The following DAB1 variants were observed in gnomAD, a reference collection of about 807,000 sequenced individuals.
The protein encoded by DAB1 is disabled homolog 1.
Under a neutral mutation model 64.6 loss-of-function variants are expected in DAB1, and 15 were observed. That is an observed-to-expected ratio of 0.23 (90% CI 0.16 to 0.36). DAB1 has a LOEUF of 0.36. DAB1 is among the 10% of genes least tolerant of loss of function. DAB1 has a pLI of 1.00. For missense variants in DAB1, 596 were observed against 706.7 expected (o/e 0.84, Z 1.78); for synonymous variants, 235 against 251.9 (o/e 0.93, Z 0.64).
At chr1:57,304,703 T>C (rs147940097) in intron 1 of DAB1, among the ~76,000 whole-genome samples, 123 of 152,354 alleles carry the variant, frequency 8.1e-4, no homozygotes, top group African/African-American at 2.9e-3. Flanking sequence ...CCCTTCCCTC[T>C]ATTTCATTTG....
intron 5 of DAB1, among the ~76,000 whole-genome samples, chr1:57,895,006 A>G (rs941111296): frequency 6.6e-6 from 1 of 152,128 alleles, no homozygotes; most frequent in Non-Finnish European, 1.5e-5. Context: ...AAAGGCCTGC[A>G]GTGCTCACAC....
intron 11 of DAB1, among the ~76,000 whole-genome samples, chr1:57,022,049 T>C (rs1223002741): frequency 2.0e-5 from 3 of 152,206 alleles, no homozygotes; most frequent in Non-Finnish European, 4.4e-5. Context: ...TTTTATGTTA[T>C]TTCCTGTCTT....
chr1:58,107,303 CAAA>C (rs960763989), intron 5 of DAB1, among the ~76,000 whole-genome samples: 1 of 70,900 alleles, frequency 1.4e-5, no homozygotes. Flanking sequence ...ACTAAAAATA[CAAA>C]AAAAAAAAAA....
chr1:58,106,887 T>A (rs1467809165), intron 5 of DAB1, among the ~76,000 whole-genome samples: 1 of 117,124 alleles, frequency 8.5e-6, no homozygotes, highest in Admixed American at 9.3e-5. Context: ...CCTTTCTCCT[T>A]CCCTTCCTCT....
chr1:58,059,375 G>A (rs761634703), intron 5 of DAB1, among the ~76,000 whole-genome samples: 2 of 152,222 alleles, frequency 1.3e-5, no homozygotes, highest in South Asian at 4.1e-4. Context: ...ACTTAAGAAG[G>A]TTGTTGAGAC....
intron 4 of DAB1, among the ~76,000 whole-genome samples, chr1:57,108,287 A>G (rs1570706480): frequency 6.6e-6 from 1 of 152,174 alleles, no homozygotes; most frequent in East Asian, 1.9e-4. Flanking sequence ...ATCCAAATGA[A>G]TTCTTATAAG....
intron 9 of DAB1, among the ~76,000 whole-genome samples, chr1:57,034,835 A>G (rs904628827): frequency 1.3e-5 from 2 of 152,226 alleles, no homozygotes; most frequent in African/African-American, 4.8e-5. Flanking sequence ...ATAGCCTCGT[A>G]GTACTGTGCT....
chr1:58,455,931 T>C (rs1219425605), intron 3 of DAB1, among the ~76,000 whole-genome samples: 1 of 152,176 alleles, frequency 6.6e-6, no homozygotes, highest in Admixed American at 6.5e-5. Context: ...GGCACACCCA[T>C]AGCAGGGGCT....
At chr1:57,419,072 G>A (rs1684707349) in intron 1 of DAB1, among the ~76,000 whole-genome samples, 2 of 152,148 alleles carry the variant, frequency 1.3e-5, no homozygotes, top group Admixed American at 1.3e-4. Flanking sequence ...GTACATACCA[G>A]AGGAGGGGTT....
chr1:57,689,139 C>T lies in DAB1; in HGVS notation n.552-39474G>A, dbSNP rs114040239. The stretch of plus-strand genomic sequence containing the variant: ...GAAAATGAGTCCTTGAAATTCCTTC[C>T]CAGCTAATTAAATGGATAGATTTAG... On this transcript the variant is annotated intron_variant and non_coding_transcript_variant, in intron 6 of 20. Coordinates refer to the DAB1 transcript ENST00000485760. Among the ~76,000 whole-genome samples the T allele has an allele frequency of 6.2e-3, 939 of 152,126 alleles. 7 individuals are homozygous for T. The highest frequency in any genetic ancestry group is 0.017 in the Middle Eastern group (5 of 294).
intron 5 of DAB1, among the ~76,000 whole-genome samples, chr1:58,025,042 A>T (rs1646869367): frequency 1.3e-5 from 2 of 151,180 alleles, no homozygotes; most frequent in African/African-American, 2.4e-5. Context: ...CCATTTATCT[A>T]TCTATTTGTC....
chr1:57,265,903 C>T (rs980714943), intron 2 of DAB1, among the ~76,000 whole-genome samples: 1 of 152,154 alleles, frequency 6.6e-6, no homozygotes, highest in Non-Finnish European at 1.5e-5. Context: ...AGTCTAGAAG[C>T]TTGAGATTAG....
Position 57,378,454 on chromosome 1 carries a change from G to A in DAB1, c.-137+45476C>T, listed in dbSNP as rs114371143. Reference sequence around the variant, plus strand: ...AAATTTGAATCTTTTTCTTAATTACGAAAAGCTATAAATAAAGCCACCCAT... The same window carrying A: ...AAATTTGAATCTTTTTCTTAATTACAAAAAGCTATAAATAAAGCCACCCAT... On this transcript the variant is annotated intron_variant, in intron 1 of 14. Transcript: ENST00000371236. 2.2e-3 allele frequency among the ~76,000 whole-genome samples: 332 copies of A among 152,196 alleles called. 2 individuals carry two copies. Among genetic ancestry groups the A allele is most frequent in the African/African-American group, 7.4e-3 (307 of 41,530 alleles).
chr1:57,343,686 G>A (rs1218842811), intron 1 of DAB1, among the ~76,000 whole-genome samples: 2 of 152,192 alleles, frequency 1.3e-5, no homozygotes, highest in African/African-American at 2.4e-5. Context: ...CGGTGGGGCC[G>A]GCCGGCCGCT....
intron 2 of DAB1, among the ~76,000 whole-genome samples, chr1:57,253,101 C>G (rs938846700): frequency 6.6e-6 from 1 of 152,188 alleles, no homozygotes; most frequent in Admixed American, 6.5e-5. Context: ...AGGCTGGGAA[C>G]AGCTGGGAGG....
intron 8 of DAB1, among the ~76,000 whole-genome samples, chr1:57,064,469 G>A (rs925101780): frequency 6.6e-6 from 1 of 152,114 alleles, no homozygotes; most frequent in Non-Finnish European, 1.5e-5. Context: ...CAATCCTCAA[G>A]ACAAGTCTTT....
chr1:57,588,834 A>C (rs1158520929), intron 7 of DAB1, among the ~76,000 whole-genome samples: 1 of 152,232 alleles, frequency 6.6e-6, no homozygotes, highest in African/African-American at 2.4e-5. Flanking sequence ...GAAAAGGATA[A>C]ATATTAAATA....
chr1:57,826,623 C>A (rs1652362172), intron 1 of DAB1, among the ~76,000 whole-genome samples: 1 of 152,140 alleles, frequency 6.6e-6, no homozygotes, highest in Admixed American at 6.5e-5. Flanking sequence ...TGAATTCCTG[C>A]CAGAAGGTGA....
At chr1:58,327,980 G>T (rs146171103) in intron 4 of DAB1, among the ~76,000 whole-genome samples, 208 of 152,270 alleles carry the variant, frequency 1.4e-3, no homozygotes, top group South Asian at 7.7e-3. Flanking sequence ...TGAGGTCACA[G>T]CATTCCATAG....
Sources: gnomAD v4.1 joint callset for allele counts (sites outside exome capture counted in the v4.1 genomes callset) on GRCh38, gnomAD v4.1.1 for gene constraint, MANE v1.5 for transcripts, NCBI Gene and HGNC (gene_info 2026-07-23, HGNC 2026-07-21) for gene names.